The following CD5 variants were observed in gnomAD, a reference collection of about 807,000 sequenced individuals.
CD5 encodes T-cell surface glycoprotein CD5.
Under a neutral mutation model 60.3 loss-of-function variants are expected in CD5, and 36 were observed. That is an observed-to-expected ratio of 0.60 (90% CI 0.46 to 0.79). The LOEUF (loss-of-function observed/expected upper bound fraction) is 0.79. Among genes scored for constraint, CD5 ranks in the 30% least tolerant of loss-of-function variants. The pLI, the probability that CD5 is intolerant of heterozygous loss-of-function variation, is 0.00. For synonymous variants in CD5, 230 were observed against 257.6 expected (o/e 0.89, Z 1.03); for missense variants, 540 against 630.6 (o/e 0.86, Z 1.54).
chr11:61,118,797 G>A lies in CD5; in HGVS notation c.401-118G>A. The A allele has an allele frequency of 1.4e-6, 1 of 697,244 alleles. No homozygotes were observed. Among genetic ancestry groups the A allele is most frequent in the East Asian group, 2.7e-5 (1 of 37,302 alleles). The allele number at this position is 697,244 out of a possible 1,614,324, so 43.2% of individuals were successfully genotyped here. On this transcript the variant is annotated intron_variant, in intron 3 of 10. Transcript: ENST00000347785. This position sits in a 1 kb window ranked among gnomAD's most constrained non-coding sequence, Gnocchi z 4.7. ...CTTAGAGACAACGTGTGGGTCAAGT[G>A]GACCTGGTGTGCCAAGCGGCACTCA... is the stretch of plus-strand genomic sequence containing the variant.
At position 61,118,342 on chromosome 11, in the gene CD5, G is replaced by T. The variant is rs1184927188; in HGVS notation, c.262G>T (p.Val88Leu). Reference sequence around the variant, plus strand: ...AGTCTGCCAGCGGCTGAACTGTGGGGTGCCCTTAAGCCTTGGCCCCTTCCT... The same window carrying T: ...AGTCTGCCAGCGGCTGAACTGTGGGTTGCCCTTAAGCCTTGGCCCCTTCCT... The part of the protein sequence containing the change: ...SKVCQRLNCG[V>L]PLSLGPFLVT... The change falls in exon 3 of 11, where the codon GTG (valine) becomes TTG (leucine). Residue 88 changes from valine to leucine, a missense_variant. Transcript: ENST00000347785. This position sits in a 1 kb window ranked among gnomAD's most constrained non-coding sequence, Gnocchi z 4.7. The T allele has an allele frequency of 1.2e-6, 2 of 1,614,266 alleles. No homozygotes were observed. Among genetic ancestry groups the T allele is most frequent in the South Asian group, 1.1e-5 (1 of 91,086 alleles).
chr11:61,118,951 C>T lies in CD5; in HGVS notation c.437C>T (p.Pro146Leu), dbSNP rs139537878. ...QKTTPPTTRP[P>L]PTTTPEPTAP... Reference sequence around the variant, plus strand: ...ACAACACCTCCAACGACAAGGCCCCCGCCCACCACAACTCCAGAGCCCACA... The same window carrying T: ...ACAACACCTCCAACGACAAGGCCCCTGCCCACCACAACTCCAGAGCCCACA... The change falls in exon 4 of 11, where the codon CCG (proline) becomes CTG (leucine). Residue 146 changes from proline (P) to leucine (L), a missense_variant. Pro to Leu is a moderately conservative substitution (Grantham distance 98, BLOSUM62 -3). Transcript: ENST00000347785. The surrounding 1 kb of genome is among the most constrained non-coding windows in gnomAD (Gnocchi z 4.7). 2,093 of 1,613,820 alleles carry T rather than the reference C, an allele frequency of 1.3e-3. No homozygotes were observed. Among genetic ancestry groups the T allele is most frequent in the Non-Finnish European group, 1.6e-3 (1,908 of 1,179,808 alleles).
At chr11:61,104,811 C>T (rs561525427) in intron 1 of CD5, among the ~76,000 whole-genome samples, 49 of 152,352 alleles carry the variant, frequency 3.2e-4, no homozygotes, top group East Asian at 2.9e-3. Context: ...CCAGGAAGGC[C>T]GAGTGCAAAC....
In CD5 at chr11:61,123,103, G is replaced by A. The variant is rs760404081; in HGVS notation, c.1225+71G>A. 3.4e-5 allele frequency: 50 copies of A among 1,474,608 alleles called. 1 individual carries two copies. The highest frequency in any genetic ancestry group is 1.9e-4 in the Admixed American group (9 of 47,606). 91.3% of individuals were successfully genotyped at this position (1,474,608 alleles called of 1,614,324 possible). Reference sequence around the variant, plus strand: ...TGGAGGGGCTGCACTAGAGTCCTCCGGAGGAGGGGTCATGCCTCCAGAGAG... The same window carrying A: ...TGGAGGGGCTGCACTAGAGTCCTCCAGAGGAGGGGTCATGCCTCCAGAGAG... On this transcript the variant is annotated intron_variant, in intron 7 of 10. Transcript: ENST00000347785.
rs1198247555 is a variant in CD5, at chr11:61,126,833, G to C, written c.*548G>C. On this transcript the variant is annotated 3_prime_UTR_variant, in exon 11 of 11. Transcript: ENST00000347785. Reference sequence around the variant, plus strand: ...CGTGGTGGTCAGAGGCTGCTCACCTGAGCACAAAGACAGCTCTGCACATTC... The same window carrying C: ...CGTGGTGGTCAGAGGCTGCTCACCTCAGCACAAAGACAGCTCTGCACATTC... 6.6e-6 allele frequency: 1 copy of C among 152,244 alleles called. No individual in the cohort carries two copies. Among genetic ancestry groups the C allele is most frequent in the Non-Finnish European group, 1.5e-5 (1 of 68,082 alleles). 9.4% of individuals were successfully genotyped at this position (152,244 alleles called of 1,614,324 possible).
chr11:61,102,750 C>A, intron 1 of CD5, 135 bp downstream of exon 1: 1 of 766,130 alleles, frequency 1.3e-6, no homozygotes. Context: ...TTTGGGGCCA[C>A]TGGGATCCCT....
At chr11:61,120,584 A>G (rs193022318) in intron 5 of CD5, among the ~76,000 whole-genome samples, 1 of 152,352 alleles carries the variant, frequency 6.6e-6, no homozygotes, top group East Asian at 1.9e-4. Flanking sequence ...GCAGCTGGTT[A>G]GAAATGCAGG....
chr11:61,120,599 C>T (rs1469540543), intron 5 of CD5, among the ~76,000 whole-genome samples: 3 of 152,206 alleles, frequency 2.0e-5, no homozygotes, highest in African/African-American at 4.8e-5. Flanking sequence ...TGCAGGTGCT[C>T]AGGCCCCAGC....
At chr11:61,106,678 G>T (rs1376794749) in intron 1 of CD5, among the ~76,000 whole-genome samples, 1 of 152,160 alleles carries the variant, frequency 6.6e-6, no homozygotes. Flanking sequence ...GTGTGAAATT[G>T]AACATCTACT....
At chr11:61,105,270 C>A (rs994857164) in intron 1 of CD5, among the ~76,000 whole-genome samples, 1 of 152,234 alleles carries the variant, frequency 6.6e-6, no homozygotes, top group Non-Finnish European at 1.5e-5. Context: ...ACAAACTGCA[C>A]GTCCCTGACT....
chr11:61,099,722 G>T (rs1321811792), upstream of CD5, among the ~76,000 whole-genome samples: 1 of 147,790 alleles, frequency 6.8e-6, no homozygotes, highest in Non-Finnish European at 1.5e-5. Context: ...ACATCAACAT[G>T]GAGATCACAT....
In CD5 at chr11:61,118,482, TG is replaced by T; in HGVS notation, c.400+5del. 1 of 1,611,772 alleles carries T rather than the reference TG, an allele frequency of 6.2e-7. No homozygotes were observed. Among genetic ancestry groups the T allele is most frequent in the East Asian group, 2.2e-5 (1 of 44,830 alleles). On this transcript the variant is annotated splice_donor_region_variant and intron_variant, in intron 3 of 10. Transcript: ENST00000347785. The surrounding 1 kb of genome is among the most constrained non-coding windows in gnomAD (Gnocchi z 4.7). ...ACTCTCTGGGCCTGACCTGCTTAGG[TG>T]GGTAACTAGCCAGCCACACGGGCAC...
chr11:61,114,483 G>A (rs1860908116), intron 1 of CD5, among the ~76,000 whole-genome samples: 1 of 135,738 alleles, frequency 7.4e-6, no homozygotes, highest in Non-Finnish European at 1.6e-5. Context: ...CACATACATA[G>A]TAAAAAAATT....
intron 1 of CD5, among the ~76,000 whole-genome samples, chr11:61,113,078 C>A (rs1280104334): frequency 6.6e-6 from 1 of 152,206 alleles, no homozygotes; most frequent in African/African-American, 2.4e-5. Context: ...CAGCTAAACA[C>A]ACCTATTTTT....
In CD5 at chr11:61,121,618, G is replaced by A. The variant is rs1191134846; in HGVS notation, c.813G>A (p.Gln271=). ...RVLALLCSGF[Q]PKVQSRLVGG... Reference sequence around the variant, plus strand: ...CATTGCTTCCCCTCTCAGGTTTCCAGCCCAAGGTGCAGAGCCGTCTGGTGG... The same window carrying A: ...CATTGCTTCCCCTCTCAGGTTTCCAACCCAAGGTGCAGAGCCGTCTGGTGG... Residue 271 remains glutamine, a synonymous_variant, in exon 6 of 11, where the codon CAG becomes CAA. Transcript: ENST00000347785. 1 of 1,467,904 alleles carries A rather than the reference G, an allele frequency of 6.8e-7. No homozygotes were observed. The highest frequency in any genetic ancestry group is 1.4e-5 in the African/African-American group (1 of 70,778). The allele number at this position is 1,467,904 out of a possible 1,614,324, so 90.9% of individuals were successfully genotyped here.
the CD5 span, among the ~76,000 whole-genome samples, chr11:61,095,697 C>T: frequency 6.6e-6 from 1 of 152,086 alleles, no homozygotes; most frequent in Admixed American, 6.5e-5. Flanking sequence ...GAGGCTAAGA[C>T]GGTACCGTGA....
At chr11:61,114,437 T>TACAC (rs995273026) in intron 1 of CD5, among the ~76,000 whole-genome samples, 6 of 149,138 alleles carry the variant, frequency 4.0e-5, no homozygotes, top group Non-Finnish European at 8.9e-5. Context: ...CATCTCTACA[T>TACAC]ACACACACAC....
At position 61,124,928 on chromosome 11, in the gene CD5, C is replaced by T. The variant is rs950453033; in HGVS notation, c.1280-104C>T. The T allele has an allele frequency of 2.8e-5, 40 of 1,429,052 alleles. No individual in the cohort carries two copies. In the East Asian group the frequency reaches 4.9e-4, roughly 18 times the overall value. The allele number at this position is 1,429,052 out of a possible 1,614,324, so 88.5% of individuals were successfully genotyped here. A position where few individuals can be genotyped will look rare whatever the true frequency, so the allele number is the denominator to read the frequency against. On this transcript the variant is annotated intron_variant, in intron 8 of 10. Coordinates refer to ENST00000347785, the MANE Select transcript of CD5 (RefSeq NM_014207.4). ...GCTGTGGGTGCCTTTGTCCTCTCCC[C>T]GCTAACATCATGGGAATAGGAGATT...
intron 5 of CD5, among the ~76,000 whole-genome samples, chr11:61,120,757 C>A (rs1590774137): frequency 1.3e-5 from 2 of 152,232 alleles, no homozygotes; most frequent in Non-Finnish European, 2.9e-5. Flanking sequence ...GCCCCTCCCC[C>A]AGCAGAAGCA....
Sources: gnomAD v4.1 joint callset for allele counts (sites outside exome capture counted in the v4.1 genomes callset) on GRCh38, gnomAD v4.1.1 for gene constraint, Gnocchi (gnomAD v3.1) non-coding constraint, MANE v1.5 for transcripts, NCBI Gene and HGNC (gene_info 2026-07-23, HGNC 2026-07-21) for gene names.